The following FOXP1 variants were observed in gnomAD, a reference collection of about 807,000 sequenced individuals.
FOXP1 encodes the protein forkhead box protein P1.
FOXP1 carries 15 observed loss-of-function variants against 98.2 expected under a neutral mutation model. The observed-to-expected ratio is 0.15, with a 90% CI of 0.10 to 0.24. FOXP1 has a LOEUF of 0.24. Ranked by LOEUF, FOXP1 falls within the 10% of genes least tolerant of loss-of-function variation. The pLI, the probability that FOXP1 is intolerant of heterozygous loss-of-function variation, is 1.00. For synonymous variants in FOXP1, 371 were observed against 314.5 expected (o/e 1.18, Z -1.90); for missense variants, 633 against 848.5 (o/e 0.75, Z 3.15).
chr3:71,526,491 A>T (rs1050586465), intron 2 of FOXP1, among the ~76,000 whole-genome samples: 10 of 152,248 alleles, frequency 6.6e-5, no homozygotes, highest in African/African-American at 2.4e-4. Context: ...TGGGACAAAC[A>T]TTAATATAGT....
intron 3 of FOXP1, among the ~76,000 whole-genome samples, chr3:71,484,456 T>A (rs1194353448): frequency 6.6e-5 from 10 of 152,220 alleles, no homozygotes; most frequent in Admixed American, 6.5e-4. Context: ...CATTGCTACA[T>A]CCTCAATATT....
At position 71,397,017 on chromosome 3, in the gene FOXP1, T is replaced by C. The variant is rs1349555055; in HGVS notation, c.-167-37773A>G. 5.7e-4 allele frequency among the ~76,000 whole-genome samples: 51 copies of C among 89,320 alleles called. 15 individuals carry two copies. The highest frequency in any genetic ancestry group is 1.0e-3 in the Non-Finnish European group (47 of 46,226). The allele number at this position is 89,320 out of a possible 152,430, so 58.6% of individuals were successfully genotyped here. A position where few individuals can be genotyped will look rare whatever the true frequency, so the allele number is the denominator to read the frequency against. ...ATACACATATATATGTGTATATATA[T>C]ATATATACATATATATGTGTATATA... On this transcript the variant is annotated intron_variant, in intron 3 of 20. Transcript: ENST00000649528.
At chr3:71,508,190 A>G (rs1175641714) in intron 2 of FOXP1, among the ~76,000 whole-genome samples, 1 of 152,246 alleles carries the variant, frequency 6.6e-6, no homozygotes, top group African/African-American at 2.4e-5. Context: ...AGAAAAGCTG[A>G]CAAAAATACT....
chr3:71,145,390 AGCTGGGCGT>A (rs1167047070), intron 6 of FOXP1, among the ~76,000 whole-genome samples: 2 of 151,844 alleles, frequency 1.3e-5, no homozygotes, highest in Non-Finnish European at 2.9e-5. Flanking sequence ...CACAAAAATT[AGCTGGGCGT>A]GGTGGCACAT....
At chr3:70,985,278 T>G (rs1040801783) in intron 14 of FOXP1, among the ~76,000 whole-genome samples, 1 of 152,162 alleles carries the variant, frequency 6.6e-6, no homozygotes, top group African/African-American at 2.4e-5. Context: ...GCGGAATAAA[T>G]TAATTACAGA....
chr3:71,009,167 G>T lies in FOXP1; in HGVS notation c.974+6382C>A, dbSNP rs112329994. Among the ~76,000 whole-genome samples the T allele has an allele frequency of 5.8e-3, 488 of 83,880 alleles. 24 individuals carry two copies. Among genetic ancestry groups the T allele is most frequent in the Non-Finnish European group, 9.6e-3 (324 of 33,680 alleles). 55.0% of individuals were successfully genotyped at this position (83,880 alleles called of 152,430 possible). A position where few individuals can be genotyped will look rare whatever the true frequency, so the allele number is the denominator to read the frequency against. ...GAAATCATGGGGGCGGGGGGGGGGG[G>T]GCGCATGACACACGTGGATATCTCC... is the stretch of plus-strand genomic sequence containing the variant. On this transcript the variant is annotated intron_variant, in intron 12 of 20. Coordinates refer to ENST00000649528, the MANE Select transcript of FOXP1 (RefSeq NM_001349338.3).
chr3:71,041,441 C>T lies in FOXP1; in HGVS notation c.756G>A (p.Leu252=), dbSNP rs761521668. Residue 252 remains leucine, a synonymous_variant, in exon 11 of 21, where the codon TTG becomes TTA. Transcript: ENST00000649528. ...EETTGNNHSS[L]DLTTTCVSSS... ...AGGAGACACATGTCGTGGTCAGATC[C>T]AAACTGCTGTGATTGTTGCCTGTGG... 6.2e-7 allele frequency: 1 copy of T among 1,613,906 alleles called. No homozygotes were observed.
chr3:71,526,145 C>T (rs1432324262), intron 2 of FOXP1, among the ~76,000 whole-genome samples: 1 of 108,540 alleles, frequency 9.2e-6, no homozygotes, highest in Admixed American at 9.0e-5. Context: ...AATAAACAAA[C>T]AAACAAACAA....
intron 8 of FOXP1, 60 bp from the exon 9 acceptor site, chr3:71,052,686 T>G: frequency 1.2e-6 from 1 of 861,222 alleles, no homozygotes; most frequent in South Asian, 1.3e-5. Context: ...CTGTCCCTTT[T>G]GGTGCCATAC....
At chr3:71,303,495 T>A (rs1418782620) in intron 4 of FOXP1, among the ~76,000 whole-genome samples, 1 of 152,180 alleles carries the variant, frequency 6.6e-6, no homozygotes, top group East Asian at 1.9e-4. Context: ...CTGGTCCAAA[T>A]AGGCCAATTT....
chr3:70,985,613 T>C (rs1346681211), intron 14 of FOXP1, among the ~76,000 whole-genome samples: 1 of 152,184 alleles, frequency 6.6e-6, no homozygotes, highest in East Asian at 1.9e-4. Context: ...TTTTTACTTC[T>C]TACATGTAAG....
intron 3 of FOXP1, among the ~76,000 whole-genome samples, chr3:71,472,996 T>C (rs1046090093): frequency 6.6e-6 from 1 of 152,168 alleles, no homozygotes; most frequent in Non-Finnish European, 1.5e-5. Flanking sequence ...AAATAACTTA[T>C]GAAAGGGCCA....
At chr3:71,122,576 C>A (rs2058855486) in intron 6 of FOXP1, among the ~76,000 whole-genome samples, 2 of 152,162 alleles carry the variant, frequency 1.3e-5, no homozygotes, top group Admixed American at 6.5e-5. Flanking sequence ...ACATTTAAGA[C>A]ACTAAATAAA....
In FOXP1 at chr3:71,095,754, C is replaced by T. The variant is rs776821806; in HGVS notation, c.282+16782G>A. ...TCACTTTGGTCAGATATCAAGTTAG[C>T]GATCTGGTGAGACACAGTATTTCCC... On this transcript the variant is annotated intron_variant, in intron 7 of 20. Transcript: ENST00000649528. 2.6e-5 allele frequency among the ~76,000 whole-genome samples: 4 copies of T among 152,112 alleles called. No individual in the cohort carries two copies. The East Asian group carries it at 5.8e-4, about 22-fold the overall frequency.
At chr3:71,319,463 A>G (rs980874088) in intron 4 of FOXP1, among the ~76,000 whole-genome samples, 6 of 152,178 alleles carry the variant, frequency 3.9e-5, no homozygotes, top group African/African-American at 1.4e-4. Context: ...TTAAAAAAAG[A>G]TTTAAATTAA....
At chr3:70,998,942 G>T (rs954124379) in intron 13 of FOXP1, among the ~76,000 whole-genome samples, 1 of 152,092 alleles carries the variant, frequency 6.6e-6, no homozygotes, top group Non-Finnish European at 1.5e-5. Flanking sequence ...TCTAGAAACG[G>T]CTACCCGACA....
At chr3:71,522,693 T>A (rs2043084246) in intron 2 of FOXP1, among the ~76,000 whole-genome samples, 1 of 152,112 alleles carries the variant, frequency 6.6e-6, no homozygotes, top group Non-Finnish European at 1.5e-5. Flanking sequence ...CCTCTGCCAA[T>A]CATGCACTGA....
intron 3 of FOXP1, among the ~76,000 whole-genome samples, chr3:71,372,773 T>A (rs1196736795): frequency 6.6e-6 from 1 of 152,222 alleles, no homozygotes; most frequent in Non-Finnish European, 1.5e-5. Context: ...AAGTTATAAA[T>A]GCCAGAGTGA....
intron 5 of FOXP1, among the ~76,000 whole-genome samples, chr3:71,285,757 C>G (rs943588715): frequency 1.1e-4 from 16 of 152,128 alleles, no homozygotes; most frequent in African/African-American, 3.9e-4. Context: ...AAGGAAGGAA[C>G]TGATGTAGTG....
Sources: allele counts gnomAD v4.1 joint callset (sites outside exome capture counted in the v4.1 genomes callset), GRCh38; gene constraint gnomAD v4.1.1; transcripts MANE v1.5; gene names NCBI Gene and HGNC (gene_info 2026-07-23, HGNC 2026-07-21).